LEO1: variants seen among roughly 807,000 people sequenced by gnomAD.
LEO1 encodes the protein LEO1 component of Paf1/RNA polymerase II complex, also known as RNA polymerase-associated protein LEO1.
In LEO1, 34 loss-of-function variants were observed where a neutral mutation model predicts 80.4. That is an observed-to-expected ratio of 0.42 (90% CI 0.32 to 0.56). LEO1 has a LOEUF of 0.56. LEO1 is among the 20% of genes least tolerant of loss of function. The probability of loss-of-function intolerance (pLI) is 0.10; values close to 1 mark genes in which losing one functional copy is unlikely to be tolerated. For missense variants in LEO1, 631 were observed against 814.2 expected (o/e 0.77, Z 2.74); for synonymous variants, 262 against 274.9 (o/e 0.95, Z 0.46).
chr15:51,950,052 G>T, intron 9 of LEO1, 58 bp from the exon 10 acceptor site: 1 of 1,410,878 alleles, frequency 7.1e-7, no homozygotes, highest in Non-Finnish European at 9.6e-7. Flanking sequence ...GTGCCCACTT[G>T]AACCCACTTT....
intron 11 of LEO1, among the ~76,000 whole-genome samples, chr15:51,939,080 G>C (rs1393360867): frequency 6.6e-6 from 1 of 152,196 alleles, no homozygotes; most frequent in Non-Finnish European, 1.5e-5. Flanking sequence ...AGCTACTCGA[G>C]AGACTGAGGC....
chr15:51,957,110 ACCATGC>A (rs1038460655), intron 6 of LEO1, among the ~76,000 whole-genome samples: 1 of 152,200 alleles, frequency 6.6e-6, no homozygotes, highest in Admixed American at 6.5e-5. Flanking sequence ...GATATGCGGC[ACCATGC>A]CCGGCCTTTG....
intron 6 of LEO1, among the ~76,000 whole-genome samples, chr15:51,958,287 A>G (rs2057004619): frequency 7.6e-6 from 1 of 131,114 alleles, no homozygotes; most frequent in Non-Finnish European, 1.6e-5. Context: ...AAGACCTCAT[A>G]TCTACAGAAA....
chr15:51,942,575 C>T (rs1397685639), intron 11 of LEO1, among the ~76,000 whole-genome samples: 2 of 152,174 alleles, frequency 1.3e-5, no homozygotes, highest in African/African-American at 4.8e-5. Flanking sequence ...ACTGTAAATG[C>T]ATCATTAAGA....
intron 3 of LEO1, among the ~76,000 whole-genome samples, chr15:51,961,866 T>G (rs575478847): frequency 1.3e-5 from 2 of 151,206 alleles, no homozygotes; most frequent in South Asian, 4.2e-4. Flanking sequence ...ATGAATTCAC[T>G]CTAACTATAA....
chr15:51,955,775 G>C (rs957974327), intron 6 of LEO1, among the ~76,000 whole-genome samples: 2 of 152,142 alleles, frequency 1.3e-5, no homozygotes, highest in Admixed American at 1.3e-4. Context: ...GCAAATGTCT[G>C]TGCAGCTGGG....
Position 51,945,262 on chromosome 15 carries a change from CAAAA to C in LEO1, c.1896+2026_1896+2029del, listed in dbSNP as rs71130110. Among the ~76,000 whole-genome samples the C allele has an allele frequency of 8.7e-5, 7 of 80,370 alleles. 1 individual carries two copies. Among genetic ancestry groups the C allele is most frequent in the East Asian group, 5.5e-4 (1 of 1,802 alleles). The allele number at this position is 80,370 out of a possible 152,430, so 52.7% of individuals were successfully genotyped here. A position where few individuals can be genotyped will look rare whatever the true frequency, so the allele number is the denominator to read the frequency against. On this transcript the variant is annotated intron_variant, in intron 11 of 11. Transcript: ENST00000299601. Reference sequence around the variant, plus strand: ...TGAAACCCCATCTCTACAAAAAATACAAAAAAAAAAAAAAAAAGCCTTACAAATG... The same window carrying C: ...TGAAACCCCATCTCTACAAAAAATACAAAAAAAAAAAAAGCCTTACAAATG...
intron 11 of LEO1, among the ~76,000 whole-genome samples, chr15:51,940,426 T>G (rs1352588590): frequency 6.6e-6 from 1 of 151,630 alleles, no homozygotes; most frequent in East Asian, 1.9e-4. Flanking sequence ...CCAGGCGTGA[T>G]GGCGGGCACC....
chr15:51,954,354 C>T, intron 7 of LEO1, 127 bp downstream of exon 7: 1 of 638,444 alleles, frequency 1.6e-6, no homozygotes, highest in East Asian at 2.8e-5. Context: ...TACACTCCAA[C>T]ATGGGCAACA....
rs532573548 is a variant in LEO1, at chr15:51,962,037, T to C, written c.919+352A>G. 9.2e-5 allele frequency among the ~76,000 whole-genome samples: 14 copies of C among 151,852 alleles called. No individual in the cohort carries two copies. In the South Asian group the frequency reaches 2.7e-3, roughly 29 times the overall value. The stretch of plus-strand genomic sequence containing the variant: ...AATTTAGCCAGGCATGGTGGTACGT[T>C]CCTGTAATTCCAGCTACCAGGAGGC... On this transcript the variant is annotated intron_variant, in intron 3 of 11. Transcript: ENST00000299601.
intron 6 of LEO1, among the ~76,000 whole-genome samples, chr15:51,956,452 G>T (rs954322595): frequency 1.3e-5 from 2 of 149,382 alleles, no homozygotes; most frequent in South Asian, 2.1e-4. Flanking sequence ...CCACAAATAG[G>T]CCATTATTAA....
Position 51,966,023 on chromosome 15 carries a change from G to T in LEO1, c.540C>A (p.Asp180Glu), listed in dbSNP as rs202222424. ...CTGTGTTCTGCATTTTCTCATCATC[G>T]TCAGAATTCTGCAGCTTATCTTCAT... The part of the protein sequence containing the change: ...GSDEDKLQNS[D>E]DDEKMQNTDD... The change falls in exon 2 of 12, where the codon GAC becomes GAA. Residue 180 changes from aspartate to glutamate, a missense_variant. Asp to Glu is a conservative substitution (Grantham distance 45). Around this residue, in one of 4 missense-constraint regions of LEO1, gnomAD observed 394 missense variants for 395.6 expected, o/e 1.00. Transcript: ENST00000299601. 21 of 1,613,902 alleles carry T rather than the reference G, an allele frequency of 1.3e-5. No individual in the cohort carries two copies. Among genetic ancestry groups the T allele is most frequent in the Non-Finnish European group, 1.8e-5 (21 of 1,179,976 alleles).
At chr15:51,956,722 G>A (rs940352710) in intron 6 of LEO1, among the ~76,000 whole-genome samples, 1 of 152,126 alleles carries the variant, frequency 6.6e-6, no homozygotes, top group Non-Finnish European at 1.5e-5. Flanking sequence ...AGGGTCCAGG[G>A]TTATTTCCTA....
chr15:51,966,110 A>G lies in LEO1; in HGVS notation c.453T>C (p.Ser151=). ...GTATCTTTTCATCATCTGACTGGTC[A>G]CTTTTATCTTCTCTGCCCCATTTTT... ...DDEKWGREDK[S]DQSDDEKIQN... The change falls in exon 2 of 12, where the codon AGT becomes AGC. Residue 151 remains serine (S), a synonymous_variant. Transcript: ENST00000299601. 1 of 1,613,918 alleles carries G rather than the reference A, an allele frequency of 6.2e-7. No homozygotes were observed. Among genetic ancestry groups the G allele is most frequent in the South Asian group, 1.1e-5 (1 of 91,074 alleles).
chr15:51,969,838 TAAA>T (rs58342384), intron 1 of LEO1, among the ~76,000 whole-genome samples: 63 of 89,966 alleles, frequency 7.0e-4, no homozygotes, highest in African/African-American at 1.4e-3. Context: ...GAGACTCCGT[TAAA>T]AAAAAAAAAA....
chr15:51,947,361 G>A lies in LEO1; in HGVS notation c.1827C>T (p.Asp609=), dbSNP rs149228273. The A allele has an allele frequency of 3.7e-3, 5,972 of 1,611,998 alleles. 172 individuals carry two copies. The South Asian group carries it at 0.05, about 14-fold the overall frequency. The change falls in exon 11 of 12, where the codon GAC becomes GAT. Residue 609 remains aspartate, a synonymous_variant. Transcript: ENST00000299601. ...TATCTTCTTCTGATCCCTCATCACT[G>A]TCTGATGAATAGATTCTGGCTCGTT... ...REERARIYSS[D]SDEGSEEDKA...
intron 1 of LEO1, 129 bp from the exon 2 acceptor site, chr15:51,966,633 G>A (rs1269597710): frequency 5.0e-6 from 3 of 603,894 alleles, no homozygotes; most frequent in Non-Finnish European, 8.7e-6. Context: ...TTCTAAGGCC[G>A]GGTGCAGTGG....
chr15:51,966,323 G>T lies in LEO1; in HGVS notation c.240C>A (p.His80Gln). 1.2e-6 allele frequency: 2 copies of T among 1,614,170 alleles called. No homozygotes were observed. Among genetic ancestry groups the T allele is most frequent in the South Asian group, 2.2e-5 (2 of 91,088 alleles). ...CTGATCTATTGTCTGATCTTTCAGA[G>T]TGATTATCACTACCACTATGATGTG... ...GASHHSGSDN[H>Q]SERSDNRSEA... Residue 80 changes from histidine to glutamine, a missense_variant, in exon 2 of 12, where the codon CAC becomes CAA. By Grantham distance (24) the His-to-Gln change is conservative. This residue lies in a region of LEO1 where 394 missense variants were observed against 395.6 expected (regional missense o/e 1.00). Transcript: ENST00000299601.
chr15:51,941,032 C>T (rs759390285), intron 11 of LEO1, among the ~76,000 whole-genome samples: 6 of 151,964 alleles, frequency 3.9e-5, no homozygotes, highest in Admixed American at 1.3e-4. Flanking sequence ...GAGATCGCGG[C>T]GCTGCACTCC....
Sources: gnomAD v4.1 joint callset for allele counts (sites outside exome capture counted in the v4.1 genomes callset) on GRCh38, gnomAD v4.1.1 for gene constraint, gnomAD v4.1.1 regional missense constraint, MANE v1.5 for transcripts, NCBI Gene and HGNC (gene_info 2026-07-23, HGNC 2026-07-21) for gene names.